Variants in PRSS16 observed in about 807,000 individuals in gnomAD.
PRSS16 encodes thymus-specific serine protease.
A neutral mutation model predicts 61.7 loss-of-function variants in PRSS16; 43 were observed. The ratio of observed to expected loss-of-function variants is 0.70; its 90% CI spans 0.55 to 0.90. The LOEUF (loss-of-function observed/expected upper bound fraction) is 0.90. PRSS16 is among the 40% of genes least tolerant of loss of function. The pLI, the probability that PRSS16 is intolerant of heterozygous loss-of-function variation, is 0.00. For synonymous variants in PRSS16, 273 were observed against 285.2 expected, an observed-to-expected ratio of 0.96 and a Z score of 0.43; for missense variants, 591 against 659.1, an observed-to-expected ratio of 0.90 and a Z score of 1.13.
chr6:27,254,931 C>T, intron 10 of PRSS16, 55 bp from the exon 11 acceptor site: 1 of 1,611,492 alleles, frequency 6.2e-7, no homozygotes, highest in Non-Finnish European at 8.5e-7. Context: ...CTCAACATAG[C>T]CTCATCCTCT....
chr6:27,251,252 C>A lies in PRSS16; in HGVS notation c.705C>A (p.Gly235=). 3 of 1,607,516 alleles carry A rather than the reference C, an allele frequency of 1.9e-6. No individual in the cohort carries two copies. Among genetic ancestry groups the A allele is most frequent in the Non-Finnish European group, 1.7e-6 (2 of 1,176,552 alleles). ...VSRSLMSTAI[G]GSLECRAAVS... The stretch of plus-strand genomic sequence containing the variant: ...GAAGCCTAATGAGCACCGCGATCGG[C>A]GGGTCCCTGGAGGTAGGAGGTGGGG... Residue 235 remains glycine, a synonymous_variant, in exon 7 of 12, where the codon GGC becomes GGA. Transcript: ENST00000230582. This position sits in a 1 kb window ranked among gnomAD's most constrained non-coding sequence, Gnocchi z 5.6.
chr6:27,252,448 C>T lies in PRSS16; in HGVS notation c.1009-360C>T, dbSNP rs1759936949. Reference sequence around the variant, plus strand: ...AAATCCACAACTGCAATCCAGCTGTCGCTTTTCCAGCACTGTCTGGACCAA... The same window carrying T: ...AAATCCACAACTGCAATCCAGCTGTTGCTTTTCCAGCACTGTCTGGACCAA... On this transcript the variant is annotated intron_variant, in intron 8 of 11. Transcript: ENST00000230582. This position sits in a 1 kb window ranked among gnomAD's most constrained non-coding sequence, Gnocchi z 4.2. Among the ~76,000 whole-genome samples the T allele has an allele frequency of 6.6e-6, 1 of 152,182 alleles. No individual in the cohort carries two copies. Among genetic ancestry groups the T allele is most frequent in the African/African-American group, 2.4e-5 (1 of 41,436 alleles).
chr6:27,251,065 G>A lies in PRSS16; in HGVS notation c.615G>A (p.Ser205=), dbSNP rs951630179. ...AGTTCCCCCATCTCATTTTCGCGTC[G>A]GTCGCCTCCTCCGCCCCGGTGCGGG... ...RLKFPHLIFA[S]VASSAPVRAV... Residue 205 remains serine (S), a synonymous_variant, in exon 6 of 12, where the codon TCG becomes TCA. Transcript: ENST00000230582. This position sits in a 1 kb window ranked among gnomAD's most constrained non-coding sequence, Gnocchi z 5.6. The A allele has an allele frequency of 1.2e-6, 2 of 1,613,988 alleles. No homozygotes were observed. Among genetic ancestry groups the A allele is most frequent in the South Asian group, 2.2e-5 (2 of 91,084 alleles).
rs1759877824 is a variant in PRSS16, at chr6:27,251,068, C to G, written c.618C>G (p.Val206=). The G allele has an allele frequency of 1.2e-6, 2 of 1,614,040 alleles. No homozygotes were observed. Among genetic ancestry groups the G allele is most frequent in the Non-Finnish European group, 1.7e-6 (2 of 1,180,042 alleles). ...LKFPHLIFAS[V]ASSAPVRAVL... Reference sequence around the variant, plus strand: ...TCCCCCATCTCATTTTCGCGTCGGTCGCCTCCTCCGCCCCGGTGCGGGCCG... The same window carrying G: ...TCCCCCATCTCATTTTCGCGTCGGTGGCCTCCTCCGCCCCGGTGCGGGCCG... The change falls in exon 6 of 12, where the codon GTC becomes GTG. Residue 206 remains valine, a synonymous_variant. Coordinates refer to ENST00000230582, the MANE Select transcript of PRSS16 (RefSeq NM_005865.4). The surrounding 1 kb of genome is among the most constrained non-coding windows in gnomAD (Gnocchi z 5.6).
Position 27,255,167 on chromosome 6 carries a change from C to G in PRSS16, c.1476+36C>G. 6.2e-7 allele frequency: 1 copy of G among 1,614,096 alleles called. No individual in the cohort carries two copies. Among genetic ancestry groups the G allele is most frequent in the Non-Finnish European group, 8.5e-7 (1 of 1,179,974 alleles). On this transcript the variant is annotated intron_variant, in intron 11 of 11. Transcript: ENST00000230582. The surrounding 1 kb of genome is among the most constrained non-coding windows in gnomAD (Gnocchi z 4.4). ...AAAGGCTCTGAATCATTTGCATTCT[C>G]ATTTGAATAATCACTTGCATGTTCC...
At chr6:27,253,884 G>T (rs915033248) in intron 9 of PRSS16, 2 of 154,646 alleles carry the variant, frequency 1.3e-5, no homozygotes, top group African/African-American at 2.4e-5. Context: ...TTATTATAAG[G>T]CTTTACATAT....
At position 27,253,701 on chromosome 6, in the gene PRSS16, A is replaced by G. The variant is rs114506715; in HGVS notation, c.1150+752A>G. On this transcript the variant is annotated intron_variant, in intron 9 of 11. Coordinates refer to ENST00000230582, the MANE Select transcript of PRSS16 (RefSeq NM_005865.4). ...CATTTTCTACTCGTAATCTTGGGCA[A>G]ACTTGGGCAAGTGACTTACTTCTCT... 345 of 215,564 alleles carry G rather than the reference A, an allele frequency of 1.6e-3. 3 individuals carry two copies. Among genetic ancestry groups the G allele is most frequent in the African/African-American group, 7.4e-3 (322 of 43,310 alleles). 13.4% of individuals were successfully genotyped at this position (215,564 alleles called of 1,614,324 possible).
In PRSS16 at chr6:27,252,710, T is replaced by C; in HGVS notation, c.1009-98T>C. 1 of 1,374,526 alleles carries C rather than the reference T, an allele frequency of 7.3e-7. No homozygotes were observed. Among genetic ancestry groups the C allele is most frequent in the Non-Finnish European group, 1.0e-6 (1 of 989,616 alleles). The allele number at this position is 1,374,526 out of a possible 1,614,324, so 85.1% of individuals were successfully genotyped here. On this transcript the variant is annotated intron_variant, in intron 8 of 11. Transcript: ENST00000230582. The surrounding 1 kb of genome is among the most constrained non-coding windows in gnomAD (Gnocchi z 4.2). Reference sequence around the variant, plus strand: ...GAGAACTCAGGAACTCACCCTTCTATTTCTGACTTTTGACCTCTGGGGACA... The same window carrying C: ...GAGAACTCAGGAACTCACCCTTCTACTTCTGACTTTTGACCTCTGGGGACA...
Position 27,254,703 on chromosome 6 carries a change from T to C in PRSS16, c.1161T>C (p.Cys387=). Residue 387 remains cysteine (C), a synonymous_variant, in exon 10 of 12, where the codon TGT becomes TGC. Coordinates refer to ENST00000230582, the MANE Select transcript of PRSS16 (RefSeq NM_005865.4). The part of the protein sequence containing the change: ...TCTEFGFYVT[C]ENPRCPFSQL... ...TATCTCCCTACACAGATGTCACCTG[T>C]GAGAATCCCAGATGTCCTTTCTCCC... 1 of 1,612,722 alleles carries C rather than the reference T, an allele frequency of 6.2e-7. No homozygotes were observed. Among genetic ancestry groups the C allele is most frequent in the Non-Finnish European group, 8.5e-7 (1 of 1,178,726 alleles).
Position 27,256,191 on chromosome 6 carries a change from ATC to A in PRSS16, c.*882_*883del, listed in dbSNP as rs1760026862. On this transcript the variant is annotated 3_prime_UTR_variant, in exon 12 of 12. Transcript: ENST00000230582. ...CTGTCACTTAATCTTTTCCTTCTCT[ATC>A]TCTCTTATTTAGTCTTCCTTCCACA... 7.2e-6 allele frequency: 1 copy of A among 139,826 alleles called. No individual in the cohort carries two copies. Among genetic ancestry groups the A allele is most frequent in the African/African-American group, 2.5e-5 (1 of 40,092 alleles). 8.7% of individuals were successfully genotyped at this position (139,826 alleles called of 1,614,324 possible).
intron 1 of PRSS16, 28 bp downstream of exon 1, chr6:27,247,835 G>A (rs1561771532): frequency 1.9e-6 from 3 of 1,613,662 alleles, no homozygotes; most frequent in South Asian, 2.2e-5. Flanking sequence ...GTCAAGCAGG[G>A]CATCCTAAGG....
In PRSS16 at chr6:27,247,728, C is replaced by T; in HGVS notation, c.-10C>T. 1 of 1,561,320 alleles carries T rather than the reference C, an allele frequency of 6.4e-7. No homozygotes were observed. The highest frequency in any genetic ancestry group is 8.7e-7 in the Non-Finnish European group (1 of 1,152,380). On this transcript the variant is annotated 5_prime_UTR_variant, in exon 1 of 12. Transcript: ENST00000230582. ...AGGTCCTCCTGGGGGAGAACAGAGT[C>T]CCGAACACCATGGCCGTCTGGCTTG...
rs1029188039 is a variant in PRSS16 at position 27,255,681 on chromosome 6, C to G, written c.*366C>G. ...TTTGCTGTAAGTTTCTTTTTCTGGA[C>G]TTTAGATCCTGAACCTGTCCTTGCT... is the stretch of plus-strand genomic sequence containing the variant. On this transcript the variant is annotated 3_prime_UTR_variant, in exon 12 of 12. Transcript: ENST00000230582. This position sits in a 1 kb window ranked among gnomAD's most constrained non-coding sequence, Gnocchi z 4.4. The G allele has an allele frequency of 2.1e-4, 48 of 224,334 alleles. No homozygotes were observed. Among genetic ancestry groups the G allele is most frequent in the African/African-American group, 1.0e-3 (44 of 42,880 alleles). The allele number at this position is 224,334 out of a possible 1,614,324, so 13.9% of individuals were successfully genotyped here. A position where few individuals can be genotyped will look rare whatever the true frequency, so the allele number is the denominator to read the frequency against.
chr6:27,250,848 G>A (rs775403961), intron 5 of PRSS16, 42 bp downstream of exon 5: 6 of 1,579,066 alleles, frequency 3.8e-6, no homozygotes, highest in Non-Finnish European at 5.1e-6. Flanking sequence ...AGGGAACTCG[G>A]ACTCCAGGGC....
At position 27,253,143 on chromosome 6, in the gene PRSS16, C is replaced by T. The variant is rs1238331388; in HGVS notation, c.1150+194C>T. On this transcript the variant is annotated intron_variant, in intron 9 of 11. Transcript: ENST00000230582. ...TGCTTGGCCCTCACATGCCTCCTCA[C>T]GCACACACTGAGGTCTCCACTTGAG... is the stretch of plus-strand genomic sequence containing the variant. 4.3e-5 allele frequency: 28 copies of T among 646,064 alleles called. 1 individual carries two copies. Among genetic ancestry groups the T allele is most frequent in the South Asian group, 1.8e-4 (10 of 55,188 alleles). The allele number at this position is 646,064 out of a possible 1,614,324, so 40.0% of individuals were successfully genotyped here. A position where few individuals can be genotyped will look rare whatever the true frequency, so the allele number is the denominator to read the frequency against.
Position 27,252,134 on chromosome 6 carries a change from T to C in PRSS16, c.1008+94T>C, listed in dbSNP as rs1323148932. The C allele has an allele frequency of 5.2e-6, 7 of 1,356,578 alleles. No individual in the cohort carries two copies. The Admixed American group carries it at 1.3e-4, about 25-fold the overall frequency. The allele number at this position is 1,356,578 out of a possible 1,614,324, so 84.0% of individuals were successfully genotyped here. A position where few individuals can be genotyped will look rare whatever the true frequency, so the allele number is the denominator to read the frequency against. ...ATCTTGGGCAAGCGAGAACCTTCTC[T>C]GAAACTTCGTTTTCTCATCTGTAAA... On this transcript the variant is annotated intron_variant, in intron 8 of 11. Coordinates refer to ENST00000230582, the MANE Select transcript of PRSS16 (RefSeq NM_005865.4). This position sits in a 1 kb window ranked among gnomAD's most constrained non-coding sequence, Gnocchi z 4.2.
In PRSS16 at chr6:27,255,836, TTC is replaced by T. The variant is rs996071825; in HGVS notation, c.*525_*526del. On this transcript the variant is annotated 3_prime_UTR_variant, in exon 12 of 12. Coordinates refer to ENST00000230582, the MANE Select transcript of PRSS16 (RefSeq NM_005865.4). The surrounding 1 kb of genome is among the most constrained non-coding windows in gnomAD (Gnocchi z 4.4). ...TTTCTATCTCTGTGTTTCTGTCTATTTCTCTGTTTATCTTTCTGTCCTTCAAT... is the reference window on the plus strand; with the variant it reads ...TTTCTATCTCTGTGTTTCTGTCTATTTCTGTTTATCTTTCTGTCCTTCAAT... 4 of 154,772 alleles carry T rather than the reference TTC, an allele frequency of 2.6e-5. No individual in the cohort carries two copies. Among genetic ancestry groups the T allele is most frequent in the African/African-American group, 9.7e-5 (4 of 41,438 alleles). The allele number at this position is 154,772 out of a possible 1,614,324, so 9.6% of individuals were successfully genotyped here.
rs1272685341 is a variant in PRSS16, at chr6:27,252,017, T to G, written c.985T>G (p.Cys329Gly). Residue 329 changes from cysteine (C) to glycine (G), a missense_variant, in exon 8 of 12, where the codon TGC becomes GGC. Transcript: ENST00000230582. The surrounding 1 kb of genome is among the most constrained non-coding windows in gnomAD (Gnocchi z 4.2). ...GGNRSHSTPY[C>G]GLRRAVQIVL... ...CAACCGCAGCCACTCCACGCCCTAC[T>G]GCGGGCTTCGTCGGGCGGTGCAGGT... 1 of 1,553,372 alleles carries G rather than the reference T, an allele frequency of 6.4e-7. No homozygotes were observed. Among genetic ancestry groups the G allele is most frequent in the South Asian group, 1.2e-5 (1 of 85,072 alleles).
At position 27,256,468 on chromosome 6, in the gene PRSS16, T is replaced by C. The variant is rs1277460957; in HGVS notation, c.*1153T>C. The C allele has an allele frequency of 6.5e-6, 1 of 152,686 alleles. No homozygotes were observed. The highest frequency in any genetic ancestry group is 1.5e-5 in the Non-Finnish European group (1 of 68,050). The allele number at this position is 152,686 out of a possible 1,614,324, so 9.5% of individuals were successfully genotyped here. A position where few individuals can be genotyped will look rare whatever the true frequency, so the allele number is the denominator to read the frequency against. ...TCTCAGCTTTTTGTATGTCTTTGTA[T>C]GCACAGAGATGGTAGTTTTAGAGTT... On this transcript the variant is annotated 3_prime_UTR_variant, in exon 12 of 12. Coordinates refer to ENST00000230582, the MANE Select transcript of PRSS16 (RefSeq NM_005865.4).
Sources: allele counts gnomAD v4.1 joint callset (sites outside exome capture counted in the v4.1 genomes callset), GRCh38; gene constraint gnomAD v4.1.1; non-coding constraint Gnocchi (gnomAD v3.1); transcripts MANE v1.5; gene names NCBI Gene and HGNC (gene_info 2026-07-23, HGNC 2026-07-21).